The following ARHGAP15 variants were observed in gnomAD, a reference collection of about 807,000 sequenced individuals.
ARHGAP15 encodes Rho GTPase activating protein 15, also known as rho GTPase-activating protein 15.
In ARHGAP15, 51 loss-of-function variants were observed where a neutral mutation model predicts 63.7. That is an observed-to-expected ratio of 0.80 (90% CI 0.64 to 1.01). ARHGAP15 has a LOEUF of 1.01. ARHGAP15 is among the 50% of genes least tolerant of loss of function. The pLI, the probability that ARHGAP15 is intolerant of heterozygous loss-of-function variation, is 0.00. For missense variants in ARHGAP15, 560 were observed against 564.6 expected (o/e 0.99, Z 0.08); for synonymous variants, 191 against 193.8 (o/e 0.99, Z 0.12).
At chr2:143,133,589 A>G (rs1000551141) in intron 1 of ARHGAP15, among the ~76,000 whole-genome samples, 3 of 152,202 alleles carry the variant, frequency 2.0e-5, no homozygotes, top group African/African-American at 7.2e-5. Context: ...TGAGGTTCTT[A>G]TTCAAGTTAT....
chr2:143,559,629 G>A (rs1003279387), intron 11 of ARHGAP15, among the ~76,000 whole-genome samples: 2 of 152,140 alleles, frequency 1.3e-5, no homozygotes, highest in African/African-American at 4.8e-5. Flanking sequence ...TTCTGGACTG[G>A]CCCCACAACC....
intron 6 of ARHGAP15, among the ~76,000 whole-genome samples, chr2:143,405,339 C>A (rs1688154400): frequency 6.6e-6 from 1 of 150,774 alleles, no homozygotes; most frequent in African/African-American, 2.4e-5. Flanking sequence ...TTTTGCTTAT[C>A]ATTTTGTGTT....
At chr2:143,258,535 GA>G (rs768030802) in intron 6 of ARHGAP15, among the ~76,000 whole-genome samples, 14 of 151,836 alleles carry the variant, frequency 9.2e-5, no homozygotes, top group East Asian at 3.9e-4. Flanking sequence ...ACATTTAGCA[GA>G]AAAAAAATTC....
At chr2:143,204,244 T>C (rs936488904) in intron 3 of ARHGAP15, among the ~76,000 whole-genome samples, 1 of 152,144 alleles carries the variant, frequency 6.6e-6, no homozygotes, top group African/African-American at 2.4e-5. Flanking sequence ...ACAGTGGGAG[T>C]GATCCTGTTA....
At chr2:143,198,405 T>C (rs1264680989) in intron 2 of ARHGAP15, among the ~76,000 whole-genome samples, 9 of 152,042 alleles carry the variant, frequency 5.9e-5, no homozygotes, top group Non-Finnish European at 1.3e-4. Flanking sequence ...TCACTTGCTA[T>C]GTTTGTGAGT....
intron 2 of ARHGAP15, among the ~76,000 whole-genome samples, chr2:143,188,245 T>C (rs541933974): frequency 6.6e-6 from 1 of 152,238 alleles, no homozygotes; most frequent in South Asian, 2.1e-4. Context: ...AATTACTAAT[T>C]GACATTATTA....
intron 13 of ARHGAP15, among the ~76,000 whole-genome samples, chr2:143,765,690 T>TCAGGC (rs1686924569): frequency 6.6e-6 from 1 of 152,042 alleles, no homozygotes; most frequent in Non-Finnish European, 1.5e-5. Context: ...CGATGGATCG[T>TCAGGC]ATAGTCAGGT....
chr2:143,223,818 G>A (rs545641399), intron 4 of ARHGAP15, among the ~76,000 whole-genome samples: 3 of 152,206 alleles, frequency 2.0e-5, no homozygotes, highest in African/African-American at 7.2e-5. Flanking sequence ...GGAGTGAGCA[G>A]GGGCCTGAAT....
intron 13 of ARHGAP15, among the ~76,000 whole-genome samples, chr2:143,720,352 T>C (rs1368692435): frequency 6.6e-6 from 1 of 151,986 alleles, no homozygotes; most frequent in Admixed American, 6.6e-5. Context: ...GACGCCGAGG[T>C]TAACAATCCC....
intron 6 of ARHGAP15, among the ~76,000 whole-genome samples, chr2:143,410,715 A>C (rs1025455435): frequency 6.6e-6 from 1 of 152,184 alleles, no homozygotes; most frequent in African/African-American, 2.4e-5. Context: ...TGACAACAAG[A>C]AAATTAAAAC....
intron 10 of ARHGAP15, among the ~76,000 whole-genome samples, chr2:143,533,765 A>G (rs567965574): frequency 6.6e-6 from 1 of 152,218 alleles, no homozygotes; most frequent in South Asian, 2.1e-4. Flanking sequence ...TAAGGTTATT[A>G]CTTTCTTTTG....
At position 143,561,978 on chromosome 2, in the gene ARHGAP15, G is replaced by A. The variant is rs117959854; in HGVS notation, c.1003+5493G>A. ...CATGTGCATTTGTTTTAAATGAGAG[G>A]ATTTTTTTCATTAATTTATGGTCTC... On this transcript the variant is annotated intron_variant, in intron 11 of 13. Coordinates refer to ENST00000295095, the MANE Select transcript of ARHGAP15 (RefSeq NM_018460.4). Among the ~76,000 whole-genome samples, 796 of 152,020 alleles carry A rather than the reference G, an allele frequency of 5.2e-3. 22 individuals are homozygous for A. The highest frequency in any genetic ancestry group is 0.037 in the Admixed American group (563 of 15,264).
At chr2:143,391,773 T>TC (rs1260081445) in intron 6 of ARHGAP15, among the ~76,000 whole-genome samples, 1 of 152,186 alleles carries the variant, frequency 6.6e-6, no homozygotes, top group Non-Finnish European at 1.5e-5. Flanking sequence ...AAGGGTTTTT[T>TC]CTAGCACAGT....
chr2:143,369,666 C>T (rs1686457103), intron 6 of ARHGAP15, among the ~76,000 whole-genome samples: 1 of 152,096 alleles, frequency 6.6e-6, no homozygotes, highest in Non-Finnish European at 1.5e-5. Context: ...TTGGGCCATA[C>T]ATATAATATA....
chr2:143,721,622 G>A (rs1685062825), intron 13 of ARHGAP15, among the ~76,000 whole-genome samples: 1 of 152,026 alleles, frequency 6.6e-6, no homozygotes, highest in Non-Finnish European at 1.5e-5. Flanking sequence ...AAGGATGGGA[G>A]TAATAATTTT....
rs547265744 is a variant in ARHGAP15, at chr2:143,534,370, G to A, written c.925+15006G>A. 1.9e-4 allele frequency among the ~76,000 whole-genome samples: 29 copies of A among 152,216 alleles called. No individual in the cohort carries two copies. The South Asian group carries it at 2.3e-3, about 12-fold the overall frequency. ...TAAATTACCGAGTCATAGGCAGTTC[G>A]TTATAGCAGTATGAGCATGGGCTAA... On this transcript the variant is annotated intron_variant, in intron 10 of 13. Coordinates refer to ENST00000295095, the MANE Select transcript of ARHGAP15 (RefSeq NM_018460.4).
At chr2:143,161,082 T>C (rs1690274917) in intron 2 of ARHGAP15, among the ~76,000 whole-genome samples, 1 of 152,028 alleles carries the variant, frequency 6.6e-6, no homozygotes, top group Non-Finnish European at 1.5e-5. Flanking sequence ...TCTGGACTTA[T>C]TTCCATAATA....
chr2:143,673,608 T>TTAA (rs1265676587), intron 12 of ARHGAP15, among the ~76,000 whole-genome samples: 2 of 150,520 alleles, frequency 1.3e-5, no homozygotes, highest in East Asian at 3.9e-4. Flanking sequence ...TACCACAATC[T>TTAA]TAATGTAAAA....
intron 12 of ARHGAP15, among the ~76,000 whole-genome samples, chr2:143,663,395 TA>T (rs1681944558): frequency 6.7e-6 from 1 of 149,082 alleles, no homozygotes; most frequent in South Asian, 2.2e-4. Context: ...AGGCCTGCCC[TA>T]AAAGAGCTCC....
Sources: allele counts gnomAD v4.1 joint callset (sites outside exome capture counted in the v4.1 genomes callset), GRCh38; gene constraint gnomAD v4.1.1; transcripts MANE v1.5; gene names NCBI Gene and HGNC (gene_info 2026-07-23, HGNC 2026-07-21).